Variants in SLC2A10 observed in about 807,000 individuals in gnomAD.
SLC2A10 encodes the protein solute carrier family 2, facilitated glucose transporter member 10.
In SLC2A10, 25 loss-of-function variants were observed where a neutral mutation model predicts 32.1. The observed-to-expected ratio is 0.78, with a 90% CI of 0.57 to 1.09. The LOEUF (loss-of-function observed/expected upper bound fraction) is 1.09. Ranked by LOEUF, SLC2A10 falls within the 50% of genes least tolerant of loss-of-function variation. The pLI is 0.00. For synonymous variants in SLC2A10, 332 were observed against 309.6 expected (o/e 1.07, Z -0.76); for missense variants, 673 against 686.5 (o/e 0.98, Z 0.22).
upstream of SLC2A10, chr20:46,709,637 G>A: frequency 1.4e-6 from 2 of 1,437,572 alleles, no homozygotes; most frequent in African/African-American, 1.5e-5. Context: ...GCGGGGGCGG[G>A]CCGGAAAGTT....
intron 4 of SLC2A10, among the ~76,000 whole-genome samples, chr20:46,730,431 G>A (rs1980234599): frequency 6.6e-6 from 1 of 152,188 alleles, no homozygotes; most frequent in African/African-American, 2.4e-5. Context: ...AAAGAAGAAA[G>A]GGGTTGTGGC....
intron 3 of SLC2A10, 90 bp downstream of exon 3, chr20:46,727,076 C>G: frequency 6.9e-7 from 1 of 1,457,004 alleles, no homozygotes; most frequent in African/African-American, 1.4e-5. Context: ...TATGTATTAG[C>G]TGCAGAACTA....
intron 1 of SLC2A10, among the ~76,000 whole-genome samples, chr20:46,717,848 A>G (rs1158612415): frequency 1.3e-5 from 2 of 152,224 alleles, no homozygotes; most frequent in African/African-American, 4.8e-5. Context: ...GTCTAAATGT[A>G]GGTGCCTCTG....
In SLC2A10 at chr20:46,734,116, A is replaced by C; in HGVS notation, c.*282A>C. 1 of 504,066 alleles carries C rather than the reference A, an allele frequency of 2.0e-6. No homozygotes were observed. The highest frequency in any genetic ancestry group is 3.6e-6 in the Non-Finnish European group (1 of 277,814). 31.2% of individuals were successfully genotyped at this position (504,066 alleles called of 1,614,324 possible). A position where few individuals can be genotyped will look rare whatever the true frequency, so the allele number is the denominator to read the frequency against. On this transcript the variant is annotated 3_prime_UTR_variant, in exon 5 of 5. Transcript: ENST00000359271. ...GCAGTATTTATAAGAAGAATATTCT[A>C]TGAAGTCTTTGTTGCACCATGGACT...
upstream of SLC2A10, among the ~76,000 whole-genome samples, chr20:46,709,257 AGATGTGTGTGTT>A (rs1437325979): frequency 2.7e-5 from 4 of 147,452 alleles, no homozygotes; most frequent in African/African-American, 7.7e-5. Flanking sequence ...CACTCGGTGT[AGATGTGTGTGTT>A]GTGTGTGTTG....
intron 3 of SLC2A10, 92 bp downstream of exon 3, chr20:46,727,078 G>A: frequency 6.9e-7 from 1 of 1,451,690 alleles, no homozygotes; most frequent in Non-Finnish European, 9.7e-7. Flanking sequence ...TGTATTAGCT[G>A]CAGAACTATT....
intron 1 of SLC2A10, among the ~76,000 whole-genome samples, chr20:46,715,274 T>C (rs982570519): frequency 2.6e-5 from 4 of 151,942 alleles, no homozygotes; most frequent in Non-Finnish European, 5.9e-5. Context: ...TCCATTGGCC[T>C]TATTGTCCAT....
chr20:46,710,107 C>T (rs1450519259), intron 1 of SLC2A10: 1 of 457,520 alleles, frequency 2.2e-6, no homozygotes, highest in Non-Finnish European at 3.8e-6. Flanking sequence ...TTCATCGATT[C>T]GCTGAGCGCG....
chr20:46,729,287 G>A, intron 3 of SLC2A10, 66 bp from the exon 4 acceptor site: 1 of 1,604,600 alleles, frequency 6.2e-7, no homozygotes, highest in Non-Finnish European at 8.5e-7. Context: ...GAACCTACCA[G>A]TTGGCCCAGG....
intron 3 of SLC2A10, among the ~76,000 whole-genome samples, chr20:46,727,316 C>A (rs1308397684): frequency 6.6e-6 from 1 of 152,070 alleles, no homozygotes; most frequent in Admixed American, 6.6e-5. Flanking sequence ...CTTTTCTTTT[C>A]TTTTTAATTT....
upstream of SLC2A10, chr20:46,709,445 G>A (rs1978769392): frequency 4.6e-6 from 2 of 435,224 alleles, no homozygotes; most frequent in Non-Finnish European, 8.0e-6. Context: ...AAGGGGACCC[G>A]GGAGATGGCG....
At chr20:46,716,482 T>G (rs777913928) in intron 1 of SLC2A10, among the ~76,000 whole-genome samples, 4 of 152,228 alleles carry the variant, frequency 2.6e-5, no homozygotes, top group Non-Finnish European at 5.9e-5. Context: ...CAAAGCAATG[T>G]CTAGTCCAGA....
chr20:46,710,309 C>G (rs538308677), intron 1 of SLC2A10: 9 of 354,948 alleles, frequency 2.5e-5, no homozygotes, highest in African/African-American at 1.7e-4. Context: ...CTATTTTTCT[C>G]TCTGCATTCA....
chr20:46,729,526 T>C, intron 4 of SLC2A10, 38 bp downstream of exon 4: 1 of 1,612,078 alleles, frequency 6.2e-7, no homozygotes, highest in Non-Finnish European at 8.5e-7. Context: ...GGAAGAGCTG[T>C]AGCACACCCC....
chr20:46,729,565 T>C (rs1028145105), intron 4 of SLC2A10, 77 bp downstream of exon 4: 1 of 1,574,834 alleles, frequency 6.3e-7, no homozygotes, highest in East Asian at 2.3e-5. Flanking sequence ...TTTTAGTCTT[T>C]GTGCTTTCCT....
At chr20:46,719,415 GGTTTAATGAACTCACAGTTCCATGT>G (rs1460491157) in intron 1 of SLC2A10, among the ~76,000 whole-genome samples, 4 of 152,180 alleles carry the variant, frequency 2.6e-5, no homozygotes, top group Non-Finnish European at 5.9e-5. Context: ...AAGAAAAAGA[GGTTTAATGAACTCACAGTTCCATGT>G]GTCTGGGGAG....
rs913447296 is a variant in SLC2A10 at position 46,731,754 on chromosome 20, G to T, written c.1548-2002G>T. The stretch of plus-strand genomic sequence containing the variant: ...GTTCAGGGGGCTCTTGATATCAGAG[G>T]CCACAGAGAGAGAGAGAAACTCGAC... On this transcript the variant is annotated intron_variant, in intron 4 of 4. Coordinates refer to ENST00000359271, the MANE Select transcript of SLC2A10 (RefSeq NM_030777.4). 1.8e-4 allele frequency among the ~76,000 whole-genome samples: 28 copies of T among 152,228 alleles called. 1 individual carries two copies. Among genetic ancestry groups the T allele is most frequent in the Admixed American group, 1.4e-3 (21 of 15,304 alleles).
At chr20:46,710,128 A>G (rs2122988214) in intron 1 of SLC2A10, 2 of 444,942 alleles carry the variant, frequency 4.5e-6, no homozygotes, top group Admixed American at 4.3e-5. Context: ...GTTGTGCCCC[A>G]GGCGCTGTTG....
intron 1 of SLC2A10, among the ~76,000 whole-genome samples, chr20:46,720,586 C>A (rs1286417112): frequency 1.3e-5 from 2 of 152,120 alleles, no homozygotes; most frequent in African/African-American, 4.8e-5. Flanking sequence ...ATACGGAAGT[C>A]AGAATTATTG....
Sources: gnomAD v4.1 joint callset for allele counts (sites outside exome capture counted in the v4.1 genomes callset) on GRCh38, gnomAD v4.1.1 for gene constraint, MANE v1.5 for transcripts, NCBI Gene and HGNC (gene_info 2026-07-23, HGNC 2026-07-21) for gene names.